Variants in ZNF385D observed in about 807,000 individuals in gnomAD.
ZNF385D encodes zinc finger protein 385D.
A neutral mutation model predicts 35.8 loss-of-function variants in ZNF385D; 15 were observed. The ratio of observed to expected loss-of-function variants is 0.42; its 90% CI spans 0.28 to 0.64. The LOEUF is 0.64. Ranked by LOEUF, ZNF385D falls within the 30% of genes least tolerant of loss-of-function variation. ZNF385D has a pLI of 0.23. For synonymous variants in ZNF385D, 212 were observed against 186.8 expected (o/e 1.13, Z -1.10); for missense variants, 474 against 494.6 (o/e 0.96, Z 0.39).
chr3:22,166,149 A>G (rs1237283040), intron 3 of ZNF385D, among the ~76,000 whole-genome samples: 1 of 152,188 alleles, frequency 6.6e-6, no homozygotes, highest in Non-Finnish European at 1.5e-5. Flanking sequence ...ATGACCAAGT[A>G]TTCCCAGTAA....
intron 1 of ZNF385D, among the ~76,000 whole-genome samples, chr3:21,676,091 C>G (rs552426474): frequency 6.6e-6 from 1 of 152,192 alleles, no homozygotes; most frequent in South Asian, 2.1e-4. Context: ...GTCACTGTCA[C>G]CAGCATCAAA....
At chr3:22,234,472 T>C (rs2125303144) in intron 2 of ZNF385D, among the ~76,000 whole-genome samples, 1 of 152,210 alleles carries the variant, frequency 6.6e-6, no homozygotes, top group South Asian at 2.1e-4. Flanking sequence ...GCATTCCCTA[T>C]TAATGCCCTA....
At chr3:21,436,874 C>T in intron 5 of ZNF385D, 96 bp downstream of exon 5, 1 of 1,154,856 alleles carries the variant, frequency 8.7e-7, no homozygotes, top group Non-Finnish European at 1.2e-6. Flanking sequence ...GCCAGTTTTC[C>T]TCCACCCCTT....
intron 4 of ZNF385D, among the ~76,000 whole-genome samples, chr3:21,493,856 T>A (rs35861147): frequency 0.21 from 31,774 of 152,018 alleles, 4,028 homozygotes; most frequent in East Asian, 0.5. Flanking sequence ...TCCAAGGAGA[T>A]CATACATATC....
chr3:21,454,264 A>C (rs949549516), intron 4 of ZNF385D, among the ~76,000 whole-genome samples: 1 of 152,022 alleles, frequency 6.6e-6, no homozygotes, highest in East Asian at 1.9e-4. Context: ...CTGGAATTAG[A>C]AAGTTGCAAT....
intron 3 of ZNF385D, among the ~76,000 whole-genome samples, chr3:21,950,469 AG>A (rs1702010428): frequency 6.6e-6 from 1 of 151,810 alleles, no homozygotes; most frequent in Non-Finnish European, 1.5e-5. Flanking sequence ...TCAGAGGCAC[AG>A]ATTGCAAAAA....
chr3:22,078,328 C>A (rs1202227398), intron 3 of ZNF385D, among the ~76,000 whole-genome samples: 1 of 151,910 alleles, frequency 6.6e-6, no homozygotes, highest in Non-Finnish European at 1.5e-5. Context: ...TGCAATATAA[C>A]CAAGTATGCT....
chr3:21,441,769 C>T (rs986746205), intron 4 of ZNF385D: 16 of 982,786 alleles, frequency 1.6e-5, no homozygotes, highest in African/African-American at 7.0e-5. Context: ...AGTAGGAAAA[C>T]GATTCGCTTT....
chr3:21,967,390 C>T (rs6763267), intron 3 of ZNF385D, among the ~76,000 whole-genome samples: 37,896 of 152,028 alleles, frequency 0.25, 5,183 homozygotes, highest in East Asian at 0.32. Context: ...AAAATTCAAG[C>T]GTGGAACTTC....
chr3:22,336,489 G>C (rs903371997), intron 2 of ZNF385D, among the ~76,000 whole-genome samples: 9 of 152,010 alleles, frequency 5.9e-5, no homozygotes, highest in African/African-American at 2.2e-4. Context: ...TATTCTATGT[G>C]ACTTTTGCTA....
At chr3:22,083,492 G>A (rs1230493026) in intron 3 of ZNF385D, among the ~76,000 whole-genome samples, 2 of 152,224 alleles carry the variant, frequency 1.3e-5, no homozygotes, top group African/African-American at 4.8e-5. Flanking sequence ...AGTGATGGAA[G>A]ATCAAATTAA....
rs1415446896 is a variant in ZNF385D at position 22,097,504 on chromosome 3, T to TA, written c.325+71312dup. ...AGAAAAGTTATCACTGACAGTAAGG[T>TA]ATAAGTAGGAAATATTCCTAATGAA... On this transcript the variant is annotated intron_variant, in intron 3 of 5. Coordinates refer to the ZNF385D transcript ENST00000494108. 2.6e-5 allele frequency among the ~76,000 whole-genome samples: 4 copies of TA among 151,968 alleles called. No individual in the cohort carries two copies. In the East Asian group the frequency reaches 7.7e-4, roughly 29 times the overall value.
chr3:22,305,579 T>C (rs1282924718), intron 2 of ZNF385D, among the ~76,000 whole-genome samples: 2 of 152,088 alleles, frequency 1.3e-5, no homozygotes, highest in Non-Finnish European at 2.9e-5. Flanking sequence ...TCATTTGCCA[T>C]AGCACAGGAA....
intron 3 of ZNF385D, among the ~76,000 whole-genome samples, chr3:21,756,785 C>T (rs2070358662): frequency 6.6e-6 from 1 of 152,024 alleles, no homozygotes; most frequent in African/African-American, 2.4e-5. Flanking sequence ...CCTGAGTTGG[C>T]CTATAGTATA....
chr3:21,513,041 C>G (rs893156130), intron 3 of ZNF385D, among the ~76,000 whole-genome samples: 1 of 151,888 alleles, frequency 6.6e-6, no homozygotes, highest in Non-Finnish European at 1.5e-5. Context: ...CCACTTATAC[C>G]TCCAAAATAG....
chr3:22,233,702 T>A (rs1189943411), intron 2 of ZNF385D, among the ~76,000 whole-genome samples: 1 of 152,070 alleles, frequency 6.6e-6, no homozygotes, highest in African/African-American at 2.4e-5. Context: ...GTCACAAATA[T>A]AGTCCTGGTA....
At chr3:22,121,671 A>AT (rs59348757) in intron 3 of ZNF385D, among the ~76,000 whole-genome samples, 40,529 of 144,864 alleles carry the variant, frequency 0.28, 5,759 homozygotes, top group East Asian at 0.39. Context: ...GAATGATGTG[A>AT]TTTTTTTTTT....
chr3:21,505,537 G>T (rs73819018), intron 4 of ZNF385D, among the ~76,000 whole-genome samples: 4,016 of 152,120 alleles, frequency 0.026, 176 homozygotes, highest in African/African-American at 0.091. Flanking sequence ...ACAAGCACTG[G>T]ACTCAAGATA....
chr3:21,954,640 G>A (rs1424159688), intron 3 of ZNF385D, among the ~76,000 whole-genome samples: 1 of 151,932 alleles, frequency 6.6e-6, no homozygotes, highest in East Asian at 1.9e-4. Context: ...CAACTCAGTG[G>A]CAACATGATT....
Sources: gnomAD v4.1 joint callset for allele counts (sites outside exome capture counted in the v4.1 genomes callset) on GRCh38, gnomAD v4.1.1 for gene constraint, MANE v1.5 for transcripts, NCBI Gene and HGNC (gene_info 2026-07-23, HGNC 2026-07-21) for gene names.